The following POTEE variants were observed in gnomAD, a reference collection of about 807,000 sequenced individuals.
POTEE encodes ANKRD26-like family C member 1A.
POTEE carries 21 observed loss-of-function variants against 74.2 expected under a neutral mutation model. The ratio of observed to expected loss-of-function variants is 0.28; its 90% CI spans 0.20 to 0.41. The LOEUF (loss-of-function observed/expected upper bound fraction) is 0.41. Ranked by LOEUF, POTEE falls within the 10% of genes least tolerant of loss-of-function variation. The pLI, the probability that POTEE is intolerant of heterozygous loss-of-function variation, is 1.00. For synonymous variants in POTEE, 211 were observed against 432.8 expected (o/e 0.49, Z 6.36); for missense variants, 525 against 1,158.6 (o/e 0.45, Z 7.94).
intron 2 of POTEE, among the ~76,000 whole-genome samples, chr2:131,215,170 A>G (rs1700422672): frequency 2.6e-5 from 4 of 152,134 alleles, no homozygotes; most frequent in South Asian, 2.1e-4. Flanking sequence ...CAGCATTTAC[A>G]TAGCATTTAT....
intron 8 of POTEE, chr2:131,229,476 G>A (rs574813591): frequency 1.1e-4 from 16 of 152,304 alleles, no homozygotes; most frequent in Admixed American, 9.8e-4. Context: ...AAGATTTTAA[G>A]ATATTTTCAA....
At position 131,264,976 on chromosome 2, in the gene POTEE, T is replaced by C; in HGVS notation, c.*293T>C. The C allele has an allele frequency of 7.0e-6, 4 of 574,724 alleles. No individual in the cohort carries two copies. The highest frequency in any genetic ancestry group is 1.2e-5 in the Non-Finnish European group (4 of 330,054). 35.6% of individuals were successfully genotyped at this position (574,724 alleles called of 1,614,324 possible). On this transcript the variant is annotated 3_prime_UTR_variant, in exon 18 of 18. Transcript: ENST00000683005. ...CATTGTTTCAGGAAGCCCCTTGCCC[T>C]GCTAAAAGCCATCCCACTTCTCTCT...
At chr2:131,256,957 T>C (rs1419491384) in intron 16 of POTEE, among the ~76,000 whole-genome samples, 6 of 152,288 alleles carry the variant, frequency 3.9e-5, no homozygotes, top group Admixed American at 6.5e-5. Context: ...TTTATCATCT[T>C]TAACTTCAAA....
At chr2:131,226,158 T>G (rs1366830579) in intron 6 of POTEE, among the ~76,000 whole-genome samples, 1 of 151,732 alleles carries the variant, frequency 6.6e-6, no homozygotes, top group Admixed American at 6.6e-5. Flanking sequence ...TGTAGAGCTT[T>G]GGCATAATCA....
At chr2:131,230,413 TA>T in intron 8 of POTEE, among the ~76,000 whole-genome samples, 1 of 152,174 alleles carries the variant, frequency 6.6e-6, no homozygotes, top group East Asian at 1.9e-4. Context: ...TCTGAGCATT[TA>T]AAAAATGTTA....
chr2:131,225,682 C>T (rs891549896), intron 6 of POTEE, among the ~76,000 whole-genome samples: 1 of 147,054 alleles, frequency 6.8e-6, no homozygotes, highest in African/African-American at 2.6e-5. Context: ...GTCCTCCAAC[C>T]TCAGTTTTTT....
At chr2:131,226,106 A>G (rs1700775161) in intron 6 of POTEE, among the ~76,000 whole-genome samples, 1 of 152,090 alleles carries the variant, frequency 6.6e-6, no homozygotes, top group Non-Finnish European at 1.5e-5. Context: ...CTTTTTGTCA[A>G]TTGACGCTGT....
At chr2:131,211,540 G>GTGTGTGTGT (rs70994742) in intron 2 of POTEE, among the ~76,000 whole-genome samples, 15 of 65,430 alleles carry the variant, frequency 2.3e-4, no homozygotes, top group South Asian at 5.4e-4. Context: ...GTGTGTGTGT[G>GTGTGTGTGT]GCTTTTTTTT....
intron 6 of POTEE, among the ~76,000 whole-genome samples, 156 bp from the exon 7 acceptor site, chr2:131,226,667 G>A (rs1178041948): frequency 2.6e-5 from 4 of 151,496 alleles, no homozygotes; most frequent in Admixed American, 1.3e-4. Context: ...AAGGAGCAGC[G>A]TGTGGGAAAG....
intron 4 of POTEE, among the ~76,000 whole-genome samples, chr2:131,222,824 T>G (rs1214148699): frequency 2.6e-5 from 4 of 151,770 alleles, no homozygotes; most frequent in African/African-American, 9.8e-5. Context: ...AGCTTTCTTA[T>G]TCCATAGTTC....
chr2:131,210,179 T>C (rs1700327680), intron 1 of POTEE, among the ~76,000 whole-genome samples: 2 of 136,484 alleles, frequency 1.5e-5, no homozygotes, highest in Admixed American at 1.5e-4. Context: ...TGTCGGGTGC[T>C]GCACTGCCCT....
intron 6 of POTEE, among the ~76,000 whole-genome samples, chr2:131,225,097 G>C (rs1251099297): frequency 6.6e-6 from 1 of 152,182 alleles, no homozygotes; most frequent in Non-Finnish European, 1.5e-5. Context: ...GGTGAGAAAT[G>C]AGACTGAAGT....
intron 3 of POTEE, among the ~76,000 whole-genome samples, 44 bp downstream of exon 3, chr2:131,217,727 C>G (rs1335280169): frequency 6.6e-6 from 1 of 150,596 alleles, no homozygotes; most frequent in East Asian, 2.0e-4. Context: ...CGTGCCCTGA[C>G]GCCACCTGAG....
rs770043899 is a variant in POTEE at position 131,218,503 on chromosome 2, G to C, written c.101G>C (p.Cys34Ser). 15 of 1,612,648 alleles carry C rather than the reference G, an allele frequency of 9.3e-6. No homozygotes were observed. In the Admixed American group the frequency reaches 1.8e-4, roughly 20 times the overall value. Residue 34 changes from cysteine to serine, a missense_variant, in exon 4 of 18, where the codon TGC (cysteine) becomes TCC (serine). Cys to Ser is a moderately radical substitution (Grantham distance 112). Coordinates refer to ENST00000683005, the MANE Select transcript of POTEE (RefSeq NM_001083538.3). ...AAGTGGTGCTGCCGTTGCTTCCCCT[G>C]CTACAGGGAGAGCGGCAAGAGCAAC... Reference protein sequence around the residue: ...MGKWCCRCFPCYRESGKSNVG... With the variant: ...MGKWCCRCFPSYRESGKSNVG...
At chr2:131,233,260 G>A (rs1177182101) in intron 9 of POTEE, among the ~76,000 whole-genome samples, 2 of 151,862 alleles carry the variant, frequency 1.3e-5, no homozygotes, top group Non-Finnish European at 2.9e-5. Context: ...AGACTATGTG[G>A]TCTCTGTCAT....
In POTEE at chr2:131,263,878, C is replaced by A. The variant is rs541194158; in HGVS notation, c.2423C>A (p.Ala808Asp). 1.2e-6 allele frequency: 2 copies of A among 1,614,124 alleles called. No individual in the cohort carries two copies. The highest frequency in any genetic ancestry group is 1.1e-5 in the South Asian group (1 of 91,084). The change falls in exon 18 of 18, where the codon GCC becomes GAC. Residue 808 changes from alanine (A) to aspartate (D), a missense_variant. Ala to Asp is a moderately radical substitution (Grantham distance 126). Transcript: ENST00000683005. ...PEEHPILLTE[A>D]PLNPKANREK... ...GAGCACCCCATCCTGCTGACCGAGGCCCCCCTGAACCCCAAGGCCAACCGC... is the reference window on the plus strand; with the variant it reads ...GAGCACCCCATCCTGCTGACCGAGGACCCCCTGAACCCCAAGGCCAACCGC...
At chr2:131,229,672 C>CA (rs1395894142) in intron 8 of POTEE, 1 of 152,172 alleles carries the variant, frequency 6.6e-6, no homozygotes, top group African/African-American at 2.4e-5. Context: ...ATGGCTTCTG[C>CA]ATAAGGAGGC....
At chr2:131,226,071 T>A (rs1276054375) in intron 6 of POTEE, among the ~76,000 whole-genome samples, 2 of 152,194 alleles carry the variant, frequency 1.3e-5, no homozygotes, top group African/African-American at 2.4e-5. Flanking sequence ...TTTTCTCAAT[T>A]AGAATTGTAG....
At chr2:131,242,594 A>G (rs2105110194) in intron 12 of POTEE, among the ~76,000 whole-genome samples, 1 of 590 alleles carries the variant, frequency 1.7e-3, no homozygotes, top group South Asian at 0.02. Context: ...GAATATGACC[A>G]GAAGCCAGTC....
Sources: allele counts gnomAD v4.1 joint callset (sites outside exome capture counted in the v4.1 genomes callset), GRCh38; gene constraint gnomAD v4.1.1; transcripts MANE v1.5; gene names NCBI Gene and HGNC (gene_info 2026-07-23, HGNC 2026-07-21).